DOCK9: variants seen among roughly 807,000 people sequenced by gnomAD.
The protein encoded by DOCK9 is dedicator of cytokinesis 9.
DOCK9 carries 89 observed loss-of-function variants against 263.3 expected under a neutral mutation model. That is an observed-to-expected ratio of 0.34 (90% CI 0.28 to 0.40). DOCK9 has a LOEUF of 0.40. Among genes scored for constraint, DOCK9 ranks in the 10% least tolerant of loss-of-function variants. The pLI, the probability that DOCK9 is intolerant of heterozygous loss-of-function variation, is 1.00. For missense variants in DOCK9, 2,140 were observed against 2,603.4 expected (o/e 0.82, Z 3.87); for synonymous variants, 976 against 973.1 (o/e 1.00, Z -0.06).
At chr13:99,082,656 T>G (rs1168128358) in intron 1 of DOCK9, among the ~76,000 whole-genome samples, 1 of 152,136 alleles carries the variant, frequency 6.6e-6, no homozygotes, top group African/African-American at 2.4e-5. Flanking sequence ...GCAGGAACCT[T>G]GAAGTTCAGA....
chr13:98,858,156 T>C (rs2093754225), intron 33 of DOCK9: 1 of 152,222 alleles, frequency 6.6e-6, no homozygotes, highest in Admixed American at 6.5e-5. Context: ...TTTATGTCTT[T>C]GTGTATGTGT....
At chr13:99,060,544 C>G (rs1345066092) in intron 1 of DOCK9, among the ~76,000 whole-genome samples, 3 of 152,164 alleles carry the variant, frequency 2.0e-5, no homozygotes, top group Non-Finnish European at 4.4e-5. Context: ...TGAAGAAACG[C>G]CAAACTGTTT....
At chr13:99,015,788 CA>C in intron 1 of DOCK9, 1 of 1,296,070 alleles carries the variant, frequency 7.7e-7, no homozygotes, top group Non-Finnish European at 9.8e-7. Flanking sequence ...AACAGCCTGA[CA>C]AAAAATCCAG....
chr13:99,071,306 C>CTTTTTTT (rs71114578), intron 1 of DOCK9, among the ~76,000 whole-genome samples: 3 of 49,330 alleles, frequency 6.1e-5, no homozygotes, highest in East Asian at 6.7e-4. Context: ...CCATGCCTGG[C>CTTTTTTT]TTTTTTTTTT....
chr13:98,826,774 T>C (rs1341053115), intron 44 of DOCK9, 56 bp downstream of exon 44: 1 of 1,399,840 alleles, frequency 7.1e-7, no homozygotes, highest in East Asian at 2.4e-5. Flanking sequence ...ACTTGTCTGC[T>C]GCTTTGTGTG....
At chr13:98,925,536 TTTTG>T (rs1466771791) in intron 4 of DOCK9, among the ~76,000 whole-genome samples, 2 of 152,230 alleles carry the variant, frequency 1.3e-5, no homozygotes, top group Admixed American at 6.5e-5. Flanking sequence ...TACACTTACG[TTTTG>T]TTTGTTTTAT....
intron 43 of DOCK9, 114 bp from the exon 44 acceptor site, chr13:98,827,001 C>T (rs980133211): frequency 2.5e-5 from 17 of 685,334 alleles, no homozygotes; most frequent in Admixed American, 6.5e-5. Flanking sequence ...TCTCAATGCA[C>T]CAGCTAGTAT....
rs573212162 is a variant in DOCK9, at chr13:98,955,330, T to A, written c.243+105A>T. 3.9e-3 allele frequency: 2,845 copies of A among 722,562 alleles called. 100 individuals carry two copies. The South Asian group carries it at 0.05, about 13-fold the overall frequency. The allele number at this position is 722,562 out of a possible 1,614,324, so 44.8% of individuals were successfully genotyped here. A position where few individuals can be genotyped will look rare whatever the true frequency, so the allele number is the denominator to read the frequency against. Reference sequence around the variant, plus strand: ...CAAGACTGTGTCTCAAAAAAAATAATAATAATAATAATTAACTAACCAAAC... The same window carrying A: ...CAAGACTGTGTCTCAAAAAAAATAAAAATAATAATAATTAACTAACCAAAC... On this transcript the variant is annotated intron_variant, in intron 2 of 52. Coordinates refer to ENST00000682017, the MANE Select transcript of DOCK9 (RefSeq NM_001366683.2).
Position 99,086,361 on chromosome 13 carries a change from CCCGCCGCCTCCGCCT to C in DOCK9, c.-25_-11del. 3.1e-6 allele frequency: 4 copies of C among 1,311,378 alleles called. No individual in the cohort carries two copies. In the South Asian group the frequency reaches 5.6e-5, roughly 18 times the overall value. 81.2% of individuals were successfully genotyped at this position (1,311,378 alleles called of 1,614,324 possible). A position where few individuals can be genotyped will look rare whatever the true frequency, so the allele number is the denominator to read the frequency against. ...GCGGCGGCTGCGACATCCTCCTGCCCCCGCCGCCTCCGCCTCCGCCTGCTCCCGCGGCCCGGCCCG... is the reference window on the plus strand; with the variant it reads ...GCGGCGGCTGCGACATCCTCCTGCCCCCGCCTGCTCCCGCGGCCCGGCCCG... On this transcript the variant is annotated 5_prime_UTR_variant, in exon 1 of 33. Transcript: ENST00000427887.
At chr13:98,917,094 C>T (rs2051009455) in intron 7 of DOCK9, among the ~76,000 whole-genome samples, 1 of 152,148 alleles carries the variant, frequency 6.6e-6, no homozygotes, top group Non-Finnish European at 1.5e-5. Flanking sequence ...TCTGCAAAGA[C>T]AATTTGAAGG....
chr13:98,826,082 T>A, intron 44 of DOCK9: 1 of 559,848 alleles, frequency 1.8e-6, no homozygotes, highest in Non-Finnish European at 2.9e-6. Flanking sequence ...ACCAGAAATA[T>A]ACAGTCTGTG....
In DOCK9 at chr13:98,971,633, G is replaced by A. The variant is rs146932134; in HGVS notation, c.126+6151C>T. ...TGAGGCAGGAGAATGGCATGAACCC[G>A]GAAGGCGGACCTTGCAGTGAACCGA... On this transcript the variant is annotated intron_variant, in intron 1 of 52. Coordinates refer to ENST00000682017, the MANE Select transcript of DOCK9 (RefSeq NM_001366683.2). Among the ~76,000 whole-genome samples, 402 of 152,086 alleles carry A rather than the reference G, an allele frequency of 2.6e-3. 1 individual carries two copies. The highest frequency in any genetic ancestry group is 9.1e-3 in the African/African-American group (379 of 41,472).
At chr13:98,926,009 CAT>C in intron 3 of DOCK9, 90 bp from the exon 4 acceptor site, 5 of 1,092,098 alleles carry the variant, frequency 4.6e-6, no homozygotes, top group South Asian at 3.4e-5. Flanking sequence ...AAGGCATACC[CAT>C]AGAAACATCA....
intron 7 of DOCK9, among the ~76,000 whole-genome samples, chr13:98,916,875 G>A (rs2050966875): frequency 6.6e-6 from 1 of 152,108 alleles, no homozygotes; most frequent in Non-Finnish European, 1.5e-5. Context: ...GTTCTAAAAT[G>A]CTTCAAAATT....
chr13:98,793,927 T>A lies in DOCK9; in HGVS notation c.*699A>T, dbSNP rs1289969421. ...ATATGTACAGAATGCCAGGACTGTATTAACAATGATATGTACATAACAATA... is the reference window on the plus strand; with the variant it reads ...ATATGTACAGAATGCCAGGACTGTAATAACAATGATATGTACATAACAATA... On this transcript the variant is annotated 3_prime_UTR_variant, in exon 53 of 53. Coordinates refer to ENST00000682017, the MANE Select transcript of DOCK9 (RefSeq NM_001366683.2). The A allele has an allele frequency of 6.6e-6, 1 of 152,640 alleles. No homozygotes were observed. Among genetic ancestry groups the A allele is most frequent in the African/African-American group, 2.4e-5 (1 of 41,464 alleles). The allele number at this position is 152,640 out of a possible 1,614,324, so 9.5% of individuals were successfully genotyped here.
chr13:98,978,009 G>A lies in DOCK9; in HGVS notation c.-100C>T, dbSNP rs9513522. ...ATGCCAGTGGTCCAAGGAAGGAAAGGAAACTGGCTTCCCAGGCACAAGTGG... is the reference window on the plus strand; with the variant it reads ...ATGCCAGTGGTCCAAGGAAGGAAAGAAAACTGGCTTCCCAGGCACAAGTGG... On this transcript the variant is annotated 5_prime_UTR_variant, in exon 1 of 53. Transcript: ENST00000682017. 272,531 of 1,455,634 alleles carry A rather than the reference G, an allele frequency of 0.19. 28,084 individuals carry two copies. Among genetic ancestry groups the A allele is most frequent in the East Asian group, 0.33 (13,226 of 39,498 alleles). 90.2% of individuals were successfully genotyped at this position (1,455,634 alleles called of 1,614,324 possible).
intron 1 of DOCK9, among the ~76,000 whole-genome samples, chr13:99,006,526 C>T (rs1157511778): frequency 1.3e-5 from 2 of 152,116 alleles, no homozygotes; most frequent in Admixed American, 6.5e-5. Context: ...CATGTTTTAG[C>T]AGAACTTTAT....
rs140572013 is a variant in DOCK9, at chr13:98,943,118, G to A, written c.243+12317C>T. Among the ~76,000 whole-genome samples the A allele has an allele frequency of 2.4e-3, 371 of 152,300 alleles. 4 individuals carry two copies. Among genetic ancestry groups the A allele is most frequent in the Non-Finnish European group, 4.3e-3 (293 of 68,016 alleles). ...CTCAAATCCCTCTGAGTTGACCAGC[G>A]CCACACTGCTCCTGTCAGAGCAGCA... On this transcript the variant is annotated intron_variant, in intron 2 of 52. Coordinates refer to ENST00000682017, the MANE Select transcript of DOCK9 (RefSeq NM_001366683.2).
intron 1 of DOCK9, among the ~76,000 whole-genome samples, chr13:98,986,637 C>G (rs1300547959): frequency 2.0e-5 from 3 of 152,180 alleles, no homozygotes; most frequent in Admixed American, 1.3e-4. Flanking sequence ...TGATGTATCC[C>G]TTTCTCATCC....
Sources: allele counts gnomAD v4.1 joint callset (sites outside exome capture counted in the v4.1 genomes callset), GRCh38; gene constraint gnomAD v4.1.1; transcripts MANE v1.5; gene names NCBI Gene and HGNC (gene_info 2026-07-23, HGNC 2026-07-21).